The following MARCHF10 variants were observed in gnomAD, a reference collection of about 807,000 sequenced individuals.
The protein encoded by MARCHF10 is probable E3 ubiquitin-protein ligase MARCHF10.
Under a neutral mutation model 76.2 loss-of-function variants are expected in MARCHF10, and 64 were observed. The ratio of observed to expected loss-of-function variants is 0.84; its 90% CI spans 0.69 to 1.03. The LOEUF (loss-of-function observed/expected upper bound fraction) is 1.03. Among genes scored for constraint, MARCHF10 ranks in the 50% least tolerant of loss-of-function variants. The pLI is 0.00. For synonymous variants in MARCHF10, 340 were observed against 357.5 expected, an observed-to-expected ratio of 0.95 and a Z score of 0.55; for missense variants, 875 against 958.0, an observed-to-expected ratio of 0.91 and a Z score of 1.14.
intron 1 of MARCHF10, among the ~76,000 whole-genome samples, chr17:62,803,563 A>G (rs1483269126): frequency 6.6e-6 from 1 of 152,086 alleles, no homozygotes; most frequent in African/African-American, 2.4e-5. Context: ...TCTGTCGCCC[A>G]GGCTGGAGTG....
At chr17:62,807,138 T>C (rs1036843947) in intron 1 of MARCHF10, among the ~76,000 whole-genome samples, 5 of 152,304 alleles carry the variant, frequency 3.3e-5, no homozygotes, top group South Asian at 2.1e-4. Context: ...TTTTCCCCAA[T>C]TGATTAATTT....
In MARCHF10 at chr17:62,722,519, A is replaced by G. The variant is rs564986747; in HGVS notation, c.2183T>C (p.Ile728Thr). The G allele has an allele frequency of 1.7e-5, 28 of 1,613,696 alleles. No homozygotes were observed. The highest frequency in any genetic ancestry group is 1.2e-4 in the South Asian group (11 of 90,876). Reference sequence around the variant, plus strand: ...TTGCTGGTGCTTCTGGTAGAACTCAATCATGTTAAAGTCACCCAGGTCAAC... The same window carrying G: ...TTGCTGGTGCTTCTGGTAGAACTCAGTCATGTTAAAGTCACCCAGGTCAAC... ...LLVDLGDFNM[I>T]EFYQKHQQSQ... Residue 728 changes from isoleucine (I) to threonine (T), a missense_variant, in exon 8 of 11, where the codon ATT (isoleucine) becomes ACT (threonine). Ile to Thr is a moderately conservative substitution (Grantham distance 89). Transcript: ENST00000311269.
intron 6 of MARCHF10, among the ~76,000 whole-genome samples, chr17:62,733,283 A>AC (rs2091115541): frequency 6.6e-6 from 1 of 152,168 alleles, no homozygotes; most frequent in Non-Finnish European, 1.5e-5. Flanking sequence ...ACGTAGTGAG[A>AC]CCCCATCTCT....
At chr17:62,787,441 A>G (rs1224931192) in intron 3 of MARCHF10, among the ~76,000 whole-genome samples, 1 of 152,194 alleles carries the variant, frequency 6.6e-6, no homozygotes, top group Admixed American at 6.5e-5. Context: ...AGTATATTTC[A>G]GGCATAAAAT....
intron 8 of MARCHF10, among the ~76,000 whole-genome samples, chr17:62,718,438 T>C (rs2090326984): frequency 6.6e-6 from 1 of 152,186 alleles, no homozygotes; most frequent in South Asian, 2.1e-4. Context: ...GAGAACCATG[T>C]GGAAAGGCTT....
At chr17:62,703,756 G>T (rs1255238220) in intron 10 of MARCHF10, among the ~76,000 whole-genome samples, 1 of 152,230 alleles carries the variant, frequency 6.6e-6, no homozygotes, top group Non-Finnish European at 1.5e-5. Flanking sequence ...GAGCAGCAGG[G>T]AAGGGCGGCA....
chr17:62,718,063 C>T (rs1226297092), intron 8 of MARCHF10, among the ~76,000 whole-genome samples: 1 of 152,202 alleles, frequency 6.6e-6, no homozygotes, highest in Non-Finnish European at 1.5e-5. Flanking sequence ...TGGCTGTAAT[C>T]TGACAGTTCT....
chr17:62,710,661 C>T (rs1018334255), intron 9 of MARCHF10, among the ~76,000 whole-genome samples: 7 of 149,852 alleles, frequency 4.7e-5, no homozygotes, highest in African/African-American at 1.5e-4. Context: ...TGGGTTCCAG[C>T]GATTCTCCTG....
In MARCHF10 at chr17:62,748,436, A is replaced by AC. The variant is rs59352920; in HGVS notation, c.383-3909_383-3908insG. Among the ~76,000 whole-genome samples, 12 of 150,552 alleles carry AC rather than the reference A, an allele frequency of 8.0e-5. No individual in the cohort carries two copies. The East Asian group carries it at 2.0e-3, about 25-fold the overall frequency. ...AACAAACAAACAAACAAACAAACAA[A>AC]AAAGAGATTCTAACATTCAGCCAGG... On this transcript the variant is annotated intron_variant, in intron 4 of 10. Transcript: ENST00000311269.
rs536345348 is a variant in MARCHF10 at position 62,807,667 on chromosome 17, G to A, written c.-18+410C>T. On this transcript the variant is annotated intron_variant, in intron 1 of 10. Coordinates refer to ENST00000311269, the MANE Select transcript of MARCHF10 (RefSeq NM_152598.4). Reference sequence around the variant, plus strand: ...TCCCAGCTACCACCGGGAGGCTGAGGCGGGAGGATCGCTTGAGCCTGGGAG... The same window carrying A: ...TCCCAGCTACCACCGGGAGGCTGAGACGGGAGGATCGCTTGAGCCTGGGAG... Among the ~76,000 whole-genome samples the A allele has an allele frequency of 2.0e-5, 3 of 152,206 alleles. No homozygotes were observed. The South Asian group carries it at 6.2e-4, about 32-fold the overall frequency.
chr17:62,769,928 C>T (rs2092410430), intron 3 of MARCHF10, among the ~76,000 whole-genome samples: 1 of 152,002 alleles, frequency 6.6e-6, no homozygotes, highest in South Asian at 2.1e-4. Flanking sequence ...GTTTTAGATA[C>T]AGGGGGTACA....
At chr17:62,706,882 AAGG>A (rs921368379) in intron 9 of MARCHF10, among the ~76,000 whole-genome samples, 11 of 152,042 alleles carry the variant, frequency 7.2e-5, no homozygotes, top group African/African-American at 1.9e-4. Flanking sequence ...GCTGAAAGGG[AAGG>A]AGGAGAGGGA....
chr17:62,776,381 C>T (rs1344243092), intron 3 of MARCHF10, among the ~76,000 whole-genome samples: 1 of 152,192 alleles, frequency 6.6e-6, no homozygotes, highest in African/African-American at 2.4e-5. Flanking sequence ...CACCCTCGTG[C>T]AAGGACGAGG....
intron 1 of MARCHF10, among the ~76,000 whole-genome samples, chr17:62,805,607 C>T (rs2093150793): frequency 1.3e-5 from 2 of 152,124 alleles, no homozygotes; most frequent in South Asian, 2.1e-4. Flanking sequence ...TGCTAAGTTA[C>T]CTCTGACTTC....
At chr17:62,758,333 A>AG (rs2092104897) in intron 4 of MARCHF10, among the ~76,000 whole-genome samples, 1 of 152,214 alleles carries the variant, frequency 6.6e-6, no homozygotes, top group African/African-American at 2.4e-5. Context: ...TGGGCAACAG[A>AG]GCGAGACTCT....
intron 8 of MARCHF10, among the ~76,000 whole-genome samples, chr17:62,721,883 T>C (rs2090505036): frequency 6.6e-6 from 1 of 152,186 alleles, no homozygotes; most frequent in African/African-American, 2.4e-5. Flanking sequence ...AACGTGGGTG[T>C]GGAGCTTGCC....
At chr17:62,767,450 C>CCTTTTT (rs67106553) in intron 3 of MARCHF10, among the ~76,000 whole-genome samples, 2,041 of 134,606 alleles carry the variant, frequency 0.015, 188 homozygotes, top group East Asian at 0.028. Flanking sequence ...GGTCTGTATT[C>CCTTTTT]TTTTTTTTTT....
At chr17:62,768,624 G>A (rs908317662) in intron 3 of MARCHF10, among the ~76,000 whole-genome samples, 5 of 152,078 alleles carry the variant, frequency 3.3e-5, no homozygotes, top group African/African-American at 9.7e-5. Context: ...TCAAATCTAC[G>A]GAGAAATTGA....
rs370039154 is a variant in MARCHF10, at chr17:62,737,022, C to T, written c.846G>A (p.Leu282=). The change falls in exon 6 of 11, where the codon TTG becomes TTA. Residue 282 remains leucine, a synonymous_variant. Coordinates refer to ENST00000311269, the MANE Select transcript of MARCHF10 (RefSeq NM_152598.4). ...TGTCATCGCTTTCTCTTCTGCTGTTCAATGACAAAATGGAATAAAAGTCTT... is the reference window on the plus strand; with the variant it reads ...TGTCATCGCTTTCTCTTCTGCTGTTTAATGACAAAATGGAATAAAAGTCTT... ...RDEDFYSILS[L]NSRRESDDTE... is the part of the protein sequence containing the mutation. 5.6e-6 allele frequency: 9 copies of T among 1,614,042 alleles called. No homozygotes were observed. In the African/African-American group the frequency reaches 6.7e-5, roughly 12 times the overall value.
Sources: gnomAD v4.1 joint callset for allele counts (sites outside exome capture counted in the v4.1 genomes callset) on GRCh38, gnomAD v4.1.1 for gene constraint, MANE v1.5 for transcripts, NCBI Gene and HGNC (gene_info 2026-07-23, HGNC 2026-07-21) for gene names.